Variants in FMN2 observed in about 807,000 individuals in gnomAD.
FMN2 encodes the protein formin-2.
Under a neutral mutation model 142.3 loss-of-function variants are expected in FMN2, and 51 were observed. The ratio of observed to expected loss-of-function variants is 0.36; its 90% CI spans 0.29 to 0.45. The LOEUF is 0.45. FMN2 is among the 20% of genes least tolerant of loss of function. The probability of loss-of-function intolerance (pLI) is 1.00; values close to 1 mark genes in which losing one functional copy is unlikely to be tolerated. For missense variants in FMN2, 1,936 were observed against 2,122.8 expected, an observed-to-expected ratio of 0.91 and a Z score of 1.73; for synonymous variants, 882 against 869.8, an observed-to-expected ratio of 1.01 and a Z score of -0.25.
chr1:240,132,816 C>T (rs532424036), intron 2 of FMN2, among the ~76,000 whole-genome samples: 54 of 152,262 alleles, frequency 3.5e-4, no homozygotes, highest in Admixed American at 9.8e-4. Context: ...GAAAAATCAC[C>T]TTTCAGGTTC....
At chr1:240,184,965 C>T (rs964441057) in intron 3 of FMN2, among the ~76,000 whole-genome samples, 2 of 148,824 alleles carry the variant, frequency 1.3e-5, no homozygotes, top group Non-Finnish European at 3.0e-5. Context: ...CTCTTTCTCC[C>T]TCCTATACCT....
At chr1:240,146,570 G>A (rs1221941136) in intron 2 of FMN2, among the ~76,000 whole-genome samples, 2 of 151,778 alleles carry the variant, frequency 1.3e-5, no homozygotes, top group Admixed American at 1.3e-4. Flanking sequence ...CGGGCGTGGT[G>A]GCATGCAACT....
intron 2 of FMN2, among the ~76,000 whole-genome samples, chr1:240,148,379 G>A (rs911170360): frequency 5.7e-5 from 8 of 139,578 alleles, no homozygotes; most frequent in Non-Finnish European, 1.2e-4. Flanking sequence ...GAGAGAGAGA[G>A]AGAAAGACAG....
At chr1:240,326,792 A>C (rs537981381) in intron 8 of FMN2, among the ~76,000 whole-genome samples, 80 of 152,224 alleles carry the variant, frequency 5.3e-4, no homozygotes, top group Non-Finnish European at 8.4e-4. Flanking sequence ...GCTCTGGTAG[A>C]AACTCTTTCC....
chr1:240,287,677 TA>T (rs892012752), intron 7 of FMN2, among the ~76,000 whole-genome samples: 40 of 152,078 alleles, frequency 2.6e-4, no homozygotes, highest in African/African-American at 9.6e-4. Flanking sequence ...GGAGAGAGAT[TA>T]AAAAAAACAT....
At chr1:240,414,470 A>G (rs1674513165) in intron 15 of FMN2, among the ~76,000 whole-genome samples, 1 of 152,248 alleles carries the variant, frequency 6.6e-6, no homozygotes, top group Non-Finnish European at 1.5e-5. Flanking sequence ...TCTGCTCTGC[A>G]ATCCTGGAAT....
intron 8 of FMN2, among the ~76,000 whole-genome samples, chr1:240,311,129 T>G (rs2102987358): frequency 6.6e-6 from 1 of 152,272 alleles, no homozygotes; most frequent in Admixed American, 6.5e-5. Flanking sequence ...GATCTAAATT[T>G]ACACTTCTCA....
chr1:240,398,054 G>A (rs912651076), intron 15 of FMN2, among the ~76,000 whole-genome samples: 1 of 150,048 alleles, frequency 6.7e-6, no homozygotes, highest in Non-Finnish European at 1.5e-5. Flanking sequence ...GGAGGACAGT[G>A]GCACCATCTC....
chr1:240,302,969 A>G (rs1670254396), intron 8 of FMN2, among the ~76,000 whole-genome samples: 1 of 152,076 alleles, frequency 6.6e-6, no homozygotes, highest in Non-Finnish European at 1.5e-5. Context: ...TTATATTACC[A>G]TTATACAATA....
intron 2 of FMN2, among the ~76,000 whole-genome samples, chr1:240,132,568 A>G (rs1177589732): frequency 6.6e-6 from 1 of 152,154 alleles, no homozygotes; most frequent in Non-Finnish European, 1.5e-5. Context: ...AATGTCCCAT[A>G]GAATGTAGAA....
intron 2 of FMN2, among the ~76,000 whole-genome samples, chr1:240,161,510 GC>G (rs1664280428): frequency 1.3e-5 from 2 of 151,644 alleles, no homozygotes; most frequent in Non-Finnish European, 2.9e-5. Flanking sequence ...TCCAGCCTGG[GC>G]GACAGAGGGA....
At chr1:240,323,522 T>C (rs1218699092) in intron 8 of FMN2, among the ~76,000 whole-genome samples, 1 of 152,140 alleles carries the variant, frequency 6.6e-6, no homozygotes, top group Non-Finnish European at 1.5e-5. Context: ...TCACTCTGTG[T>C]CATCCTCTTC....
chr1:240,427,649 A>G (rs949942684), intron 15 of FMN2, among the ~76,000 whole-genome samples: 1 of 152,224 alleles, frequency 6.6e-6, no homozygotes, highest in African/African-American at 2.4e-5. Context: ...CGTTGAAGAA[A>G]TGAGATCATT....
chr1:240,328,992 C>A, intron 8 of FMN2, 84 bp from the exon 9 acceptor site: 2 of 1,222,182 alleles, frequency 1.6e-6, no homozygotes, highest in Non-Finnish European at 2.3e-6. Context: ...TTCAGATCAG[C>A]AAATTTATCA....
chr1:240,179,271 T>C (rs935598358), intron 3 of FMN2: 1 of 151,760 alleles, frequency 6.6e-6, no homozygotes, highest in Non-Finnish European at 1.5e-5. Flanking sequence ...TGACCAACAA[T>C]GTAAAAGGTT....
At chr1:240,144,108 C>T in intron 2 of FMN2, 1 of 1,141,522 alleles carries the variant, frequency 8.8e-7, no homozygotes, top group Non-Finnish European at 1.3e-6. Context: ...AATGAGGCCA[C>T]CATCCACATC....
intron 4 of FMN2, among the ~76,000 whole-genome samples, chr1:240,195,491 G>T (rs1043647355): frequency 6.6e-6 from 1 of 152,160 alleles, no homozygotes; most frequent in Admixed American, 6.5e-5. Flanking sequence ...TGATGCTGCT[G>T]TTGGCCATAG....
In FMN2 at chr1:240,222,399, A is replaced by G. The variant is rs1028595854; in HGVS notation, c.4065+11164A>G. Among the ~76,000 whole-genome samples, 61 of 152,184 alleles carry G rather than the reference A, an allele frequency of 4.0e-4. 1 individual carries two copies. Among genetic ancestry groups the G allele is most frequent in the African/African-American group, 1.4e-3 (59 of 41,532 alleles). On this transcript the variant is annotated intron_variant, in intron 6 of 17. Transcript: ENST00000319653. Reference sequence around the variant, plus strand: ...GCTGTTTTGGTTACTGTAGCCTTGTAGTAGAGTTTGAAGTCAGGTGGTGTG... The same window carrying G: ...GCTGTTTTGGTTACTGTAGCCTTGTGGTAGAGTTTGAAGTCAGGTGGTGTG...
Position 240,142,999 on chromosome 1 carries a change from C to T in FMN2, c.1782+19654C>T, listed in dbSNP as rs541179307. The T allele has an allele frequency of 4.8e-5, 75 of 1,548,292 alleles. 1 individual carries two copies. The African/African-American group carries it at 5.8e-4, about 12-fold the overall frequency. ...CGAACATCCAGGAAAGAGAGAGGCA[C>T]GGTGAGCAGCCCAGCCATGGCCACT... On this transcript the variant is annotated intron_variant, in intron 2 of 17. Coordinates refer to ENST00000319653, the MANE Select transcript of FMN2 (RefSeq NM_020066.5).
Sources: allele counts gnomAD v4.1 joint callset (sites outside exome capture counted in the v4.1 genomes callset), GRCh38; gene constraint gnomAD v4.1.1; transcripts MANE v1.5; gene names NCBI Gene and HGNC (gene_info 2026-07-23, HGNC 2026-07-21).